The following SDK1 variants were observed in gnomAD, a reference collection of about 807,000 sequenced individuals.
The protein encoded by SDK1 is protein sidekick-1.
In SDK1, 157 loss-of-function variants were observed where a neutral mutation model predicts 245.5. That is an observed-to-expected ratio of 0.64 (90% CI 0.56 to 0.73). The LOEUF (loss-of-function observed/expected upper bound fraction) is 0.73, where lower values mean the gene tolerates loss of function less well. Ranked by LOEUF, SDK1 falls within the 30% of genes least tolerant of loss-of-function variation. SDK1 has a pLI of 0.00. For missense variants in SDK1, 3,583 were observed against 3,002.3 expected (o/e 1.19, Z -4.52); for synonymous variants, 1,647 against 1,278.5 (o/e 1.29, Z -6.15).
rs371734439 is a variant in SDK1, at chr7:4,138,726, C to T, written c.4228+6303C>T. Among the ~76,000 whole-genome samples, 6 of 124,134 alleles carry T rather than the reference C, an allele frequency of 4.8e-5. No individual in the cohort carries two copies. In the South Asian group the frequency reaches 1.6e-3, roughly 33 times the overall value. The allele number at this position is 124,134 out of a possible 152,430, so 81.4% of individuals were successfully genotyped here. A position where few individuals can be genotyped will look rare whatever the true frequency, so the allele number is the denominator to read the frequency against. ...TCATACCATTACACTCCAGCCTGGG[C>T]AACAATAGTGAAACTCTGTCTCAAA... On this transcript the variant is annotated intron_variant, in intron 28 of 44. Coordinates refer to ENST00000404826, the MANE Select transcript of SDK1 (RefSeq NM_152744.4).
chr7:3,632,992 T>C (rs1019869447), intron 2 of SDK1, among the ~76,000 whole-genome samples: 1 of 152,198 alleles, frequency 6.6e-6, no homozygotes, highest in Non-Finnish European at 1.5e-5. Flanking sequence ...AAAACAATTA[T>C]TTATCATGCC....
At chr7:3,432,221 G>C (rs956841) in intron 1 of SDK1, among the ~76,000 whole-genome samples, 1 of 150,988 alleles carries the variant, frequency 6.6e-6, no homozygotes, top group Non-Finnish European at 1.5e-5. Flanking sequence ...TCCAGGTTAA[G>C]AATGACATTA....
intron 1 of SDK1, among the ~76,000 whole-genome samples, chr7:3,494,963 T>C (rs1026968694): frequency 8.5e-5 from 13 of 152,242 alleles, no homozygotes; most frequent in South Asian, 8.3e-4. Flanking sequence ...TTATTTCTTA[T>C]GGGTTAACAG....
At chr7:3,513,330 A>G (rs1055027117) in intron 1 of SDK1, among the ~76,000 whole-genome samples, 6 of 152,238 alleles carry the variant, frequency 3.9e-5, no homozygotes, top group African/African-American at 1.2e-4. Flanking sequence ...GAGATATGCT[A>G]TATAGAGGAA....
intron 1 of SDK1, among the ~76,000 whole-genome samples, chr7:3,405,814 C>CTTTTTTTTTTT (rs534692477): frequency 8.0e-6 from 1 of 125,392 alleles, no homozygotes. Context: ...TTCTTTCTTT[C>CTTTTTTTTTTT]TTTTTTTTTT....
chr7:4,200,468 T>C (rs1261114026), intron 35 of SDK1, among the ~76,000 whole-genome samples: 2 of 152,254 alleles, frequency 1.3e-5, no homozygotes, highest in African/African-American at 4.8e-5. Context: ...CTTAGGTAGG[T>C]CCTCTGCCTC....
chr7:3,831,938 C>G (rs1242240795), intron 5 of SDK1, among the ~76,000 whole-genome samples: 3 of 152,010 alleles, frequency 2.0e-5, no homozygotes, highest in Admixed American at 2.0e-4. Flanking sequence ...GTGGCCCCAG[C>G]TGCTCAGAAG....
Position 3,466,979 on chromosome 7 carries a change from TACACACA to T in SDK1, c.299-152100_299-152094del, listed in dbSNP as rs1336478723. Among the ~76,000 whole-genome samples the T allele has an allele frequency of 2.1e-3, 271 of 127,592 alleles. 1 individual carries two copies. Among genetic ancestry groups the T allele is most frequent in the Middle Eastern group, 4.0e-3 (1 of 250 alleles). The allele number at this position is 127,592 out of a possible 152,430, so 83.7% of individuals were successfully genotyped here. On this transcript the variant is annotated intron_variant, in intron 1 of 44. Coordinates refer to ENST00000404826, the MANE Select transcript of SDK1 (RefSeq NM_152744.4). Reference sequence around the variant, plus strand: ...TCGAAATCTCTCTCCTCTCTCTCTCTACACACACACACACACACACACACACACACAC... The same window carrying T: ...TCGAAATCTCTCTCCTCTCTCTCTCTCACACACACACACACACACACACAC...
At chr7:3,402,878 A>G (rs1778926867) in intron 1 of SDK1, among the ~76,000 whole-genome samples, 1 of 152,186 alleles carries the variant, frequency 6.6e-6, no homozygotes. Context: ...CTTCTGATTG[A>G]TACAGATTTA....
chr7:3,505,098 C>T (rs1307415367), intron 1 of SDK1, among the ~76,000 whole-genome samples: 1 of 152,128 alleles, frequency 6.6e-6, no homozygotes, highest in Non-Finnish European at 1.5e-5. Flanking sequence ...AAAAATATAG[C>T]TTGTACATAC....
chr7:4,208,308 T>C (rs1784342583), intron 37 of SDK1, 23 bp downstream of exon 37: 2 of 1,607,168 alleles, frequency 1.2e-6, no homozygotes, highest in South Asian at 1.1e-5. Flanking sequence ...CGGGTTTCCT[T>C]TGGGCAGGCC....
Position 4,267,071 on chromosome 7 carries a change from G to C in SDK1, c.*1687G>C, listed in dbSNP as rs906474907. On this transcript the variant is annotated 3_prime_UTR_variant, in exon 45 of 45. Transcript: ENST00000404826. ...GCCTGGATTCTGTGCTGTCAGCGTT[G>C]CTGAGTATGGCCCCAGGAGACCAAG... 5.1e-6 allele frequency: 5 copies of C among 985,512 alleles called. No individual in the cohort carries two copies. The highest frequency in any genetic ancestry group is 6.0e-6 in the Non-Finnish European group (5 of 829,968). The allele number at this position is 985,512 out of a possible 1,614,324, so 61.0% of individuals were successfully genotyped here.
intron 1 of SDK1, among the ~76,000 whole-genome samples, chr7:3,572,721 G>A (rs565032492): frequency 1.3e-5 from 2 of 152,006 alleles, no homozygotes; most frequent in Non-Finnish European, 2.9e-5. Context: ...AGGATTTAAC[G>A]GTGAGCTAGG....
At chr7:3,827,573 G>A (rs1779808782) in intron 5 of SDK1, among the ~76,000 whole-genome samples, 1 of 152,204 alleles carries the variant, frequency 6.6e-6, no homozygotes, top group Non-Finnish European at 1.5e-5. Context: ...ACAAAACGAG[G>A]TGGGACCTAC....
Position 4,132,348 on chromosome 7 carries a change from G to A in SDK1, c.4153G>A (p.Val1385Met), listed in dbSNP as rs768369872. 1.5e-5 allele frequency: 24 copies of A among 1,612,098 alleles called. No homozygotes were observed. The highest frequency in any genetic ancestry group is 1.1e-4 in the South Asian group (10 of 90,894). Residue 1385 changes from valine to methionine, a missense_variant, in exon 28 of 45, where the codon GTG (valine) becomes ATG (methionine). By Grantham distance (21) the Val-to-Met change is conservative. Coordinates refer to ENST00000404826, the MANE Select transcript of SDK1 (RefSeq NM_152744.4). ...DDAPGPPVRL[V>M]FPEVRLTSVR... ...AGCCCCAGGCCCACCAGTGAGGCTC[G>A]TGTTCCCCGAAGTGAGACTCACCTC...
At chr7:3,571,290 G>T (rs941675812) in intron 1 of SDK1, among the ~76,000 whole-genome samples, 1 of 151,940 alleles carries the variant, frequency 6.6e-6, no homozygotes, top group Non-Finnish European at 1.5e-5. Flanking sequence ...GTTATTAAGA[G>T]AGCAGCTTTT....
chr7:3,483,173 T>A (rs1197750882), intron 1 of SDK1, among the ~76,000 whole-genome samples: 1 of 152,198 alleles, frequency 6.6e-6, no homozygotes, highest in Admixed American at 6.5e-5. Context: ...GGGTTACCTT[T>A]ATAGATTACT....
At chr7:3,607,949 G>A (rs1018297562) in intron 1 of SDK1, among the ~76,000 whole-genome samples, 1 of 152,240 alleles carries the variant, frequency 6.6e-6, no homozygotes, top group Non-Finnish European at 1.5e-5. Context: ...CCCCTTTGCA[G>A]GGGGCGGCCA....
intron 5 of SDK1, among the ~76,000 whole-genome samples, chr7:3,858,724 T>C (rs1422287180): frequency 1.3e-5 from 2 of 151,642 alleles, no homozygotes; most frequent in Admixed American, 1.3e-4. Flanking sequence ...AATTTCCCTA[T>C]CAGGTGTCAA....
Sources: allele counts gnomAD v4.1 joint callset (sites outside exome capture counted in the v4.1 genomes callset), GRCh38; gene constraint gnomAD v4.1.1; transcripts MANE v1.5; gene names NCBI Gene and HGNC (gene_info 2026-07-23, HGNC 2026-07-21).